Variants in NPTN observed in about 807,000 individuals in gnomAD.
NPTN encodes SDR-1.
Under a neutral mutation model 42.7 loss-of-function variants are expected in NPTN, and 5 were observed. The observed-to-expected ratio is 0.12, with a 90% CI of 0.06 to 0.25. The LOEUF is 0.25. Ranked by LOEUF, NPTN falls within the 10% of genes least tolerant of loss-of-function variation. The pLI is 1.00. For synonymous variants in NPTN, 180 were observed against 201.9 expected (o/e 0.89, Z 0.92); for missense variants, 307 against 525.4 (o/e 0.58, Z 4.06).
At chr15:73,593,197 A>G (rs1261347827) in intron 2 of NPTN, among the ~76,000 whole-genome samples, 1 of 152,240 alleles carries the variant, frequency 6.6e-6, no homozygotes, top group African/African-American at 2.4e-5. Context: ...AAATCACTCT[A>G]TATTATTCCT....
chr15:73,592,929 G>A (rs1896662907), intron 2 of NPTN, among the ~76,000 whole-genome samples: 1 of 152,078 alleles, frequency 6.6e-6, no homozygotes, highest in Non-Finnish European at 1.5e-5. Flanking sequence ...TTTTTTAAGA[G>A]CTGGAAAAGT....
chr15:73,616,901 A>C (rs1246223620), intron 1 of NPTN, among the ~76,000 whole-genome samples: 1 of 152,240 alleles, frequency 6.6e-6, no homozygotes, highest in African/African-American at 2.4e-5. Context: ...GACTTCAGCC[A>C]AAAACTGGAT....
intron 6 of NPTN, chr15:73,568,483 A>C: frequency 1.0e-6 from 1 of 985,450 alleles, no homozygotes. Context: ...CCACAGAGCC[A>C]AAGCTGAAAA....
intron 1 of NPTN, among the ~76,000 whole-genome samples, chr15:73,629,215 T>C (rs1898597122): frequency 1.3e-5 from 2 of 152,210 alleles, no homozygotes; most frequent in Non-Finnish European, 1.5e-5. Flanking sequence ...TTTTAGCCAG[T>C]AGCCTGAGAG....
chr15:73,615,101 G>A (rs947826200), intron 1 of NPTN, among the ~76,000 whole-genome samples: 1 of 151,318 alleles, frequency 6.6e-6, no homozygotes, highest in African/African-American at 2.4e-5. Context: ...TAAAAGAGAT[G>A]GATGTTCACA....
At chr15:73,567,981 A>C in intron 6 of NPTN, 1 of 985,444 alleles carries the variant, frequency 1.0e-6, no homozygotes, top group Non-Finnish European at 1.2e-6. Context: ...GGATTCATTC[A>C]CTGTCTATAA....
At chr15:73,595,891 A>G (rs910148725) in intron 2 of NPTN, among the ~76,000 whole-genome samples, 3 of 121,998 alleles carry the variant, frequency 2.5e-5, no homozygotes, top group East Asian at 2.4e-4. Context: ...TCCCGGTGTC[A>G]TATGTCTCAC....
At chr15:73,625,299 A>T (rs1479262534) in intron 1 of NPTN, among the ~76,000 whole-genome samples, 3 of 152,226 alleles carry the variant, frequency 2.0e-5, no homozygotes, top group African/African-American at 7.2e-5. Flanking sequence ...TATTAGTCAA[A>T]AACTACTTCT....
Position 73,602,987 on chromosome 15 carries a change from T to C in NPTN, c.92-5618A>G, listed in dbSNP as rs576403645. On this transcript the variant is annotated intron_variant, in intron 1 of 8. Transcript: ENST00000345330. ...CAGCCAGCCTTCTGCTTTGGAAAAA[T>C]AGGGGAATCTAGTTCATGCCAAGAG... Among the ~76,000 whole-genome samples, 10 of 152,238 alleles carry C rather than the reference T, an allele frequency of 6.6e-5. No homozygotes were observed. In the East Asian group the frequency reaches 1.9e-3, roughly 29 times the overall value.
At chr15:73,589,378 C>T (rs540855808) in intron 3 of NPTN, among the ~76,000 whole-genome samples, 9 of 152,078 alleles carry the variant, frequency 5.9e-5, no homozygotes, top group African/African-American at 2.2e-4. Context: ...GCCAGAACAG[C>T]ACTTCATTTC....
At chr15:73,615,574 C>T (rs1390217294) in intron 1 of NPTN, among the ~76,000 whole-genome samples, 1 of 152,160 alleles carries the variant, frequency 6.6e-6, no homozygotes, top group African/African-American at 2.4e-5. Flanking sequence ...TTAATCCAAA[C>T]ACATTTTATC....
chr15:73,602,930 A>T (rs1386852636), intron 1 of NPTN, among the ~76,000 whole-genome samples: 2 of 152,256 alleles, frequency 1.3e-5, no homozygotes, highest in Non-Finnish European at 2.9e-5. Context: ...TTCTGAAATT[A>T]TACCATTCAA....
At chr15:73,564,986 A>C (rs1456420969) in intron 6 of NPTN, among the ~76,000 whole-genome samples, 5 of 152,204 alleles carry the variant, frequency 3.3e-5, no homozygotes, top group Non-Finnish European at 7.3e-5. Flanking sequence ...GCACCAACCC[A>C]AGCACCTCAC....
chr15:73,607,389 T>A (rs951887767), intron 1 of NPTN, among the ~76,000 whole-genome samples: 1 of 152,200 alleles, frequency 6.6e-6, no homozygotes, highest in Non-Finnish European at 1.5e-5. Context: ...ACAGTAACAA[T>A]CAGGACTTAA....
chr15:73,592,190 C>T, intron 2 of NPTN, 53 bp from the exon 3 acceptor site: 1 of 1,522,600 alleles, frequency 6.6e-7, no homozygotes, highest in Non-Finnish European at 8.9e-7. Context: ...TCCTCTGTAG[C>T]CCTGGCCTGA....
Position 73,587,188 on chromosome 15 carries a change from G to T in NPTN, c.706+336C>A, listed in dbSNP as rs2141390136. 2.6e-5 allele frequency among the ~76,000 whole-genome samples: 4 copies of T among 152,152 alleles called. 1 individual carries two copies. In the Middle Eastern group the frequency reaches 0.014, roughly 518 times the overall value. On this transcript the variant is annotated intron_variant, in intron 4 of 8. Transcript: ENST00000345330. ...GAGCTGCCAGCATTCAAACATTTTT[G>T]ACATATAAAAACAGCAATTTTATGC...
rs1249993109 is a variant in NPTN at position 73,560,022 on chromosome 15, A to C, written c.*1041T>G. Reference sequence around the variant, plus strand: ...AAAGAGTATTATCCAAACACCTTTTATCAATGTTTTATTTTTAAAAACAGG... The same window carrying C: ...AAAGAGTATTATCCAAACACCTTTTCTCAATGTTTTATTTTTAAAAACAGG... On this transcript the variant is annotated 3_prime_UTR_variant, in exon 9 of 9. Coordinates refer to ENST00000345330, the MANE Select transcript of NPTN (RefSeq NM_012428.4). 9.2e-7 allele frequency: 1 copy of C among 1,082,170 alleles called. No homozygotes were observed. Among genetic ancestry groups the C allele is most frequent in the Non-Finnish European group, 1.3e-6 (1 of 776,592 alleles). 67.0% of individuals were successfully genotyped at this position (1,082,170 alleles called of 1,614,324 possible). A position where few individuals can be genotyped will look rare whatever the true frequency, so the allele number is the denominator to read the frequency against.
In NPTN at chr15:73,597,348, A is replaced by G; in HGVS notation, c.113T>C (p.Met38Thr). The G allele has an allele frequency of 6.2e-7, 1 of 1,612,898 alleles. No individual in the cohort carries two copies. Among genetic ancestry groups the G allele is most frequent in the Non-Finnish European group, 8.5e-7 (1 of 1,179,126 alleles). Residue 38 changes from methionine to threonine, a missense_variant, in exon 2 of 9, where the codon ATG (methionine) becomes ACG (threonine). By Grantham distance (81) the Met-to-Thr change is moderately conservative. Around this residue, in one of 2 missense-constraint regions of NPTN, gnomAD observed 264 missense variants for 491.1 expected, o/e 0.54. Coordinates refer to ENST00000345330, the MANE Select transcript of NPTN (RefSeq NM_012428.4). This position sits in a 1 kb window ranked among gnomAD's most constrained non-coding sequence, Gnocchi z 6.3. Reference sequence around the variant, plus strand: ...GTCCCCCGTGAGCTTAGTTTCTGACATGGGCGACTTGACAAACCCAGCTAG... The same window carrying G: ...GTCCCCCGTGAGCTTAGTTTCTGACGTGGGCGACTTGACAAACCCAGCTAG... Reference protein sequence around the residue: ...AQNAGFVKSPMSETKLTGDAF... With the variant: ...AQNAGFVKSPTSETKLTGDAF...
intron 1 of NPTN, among the ~76,000 whole-genome samples, chr15:73,605,099 A>AGGTG (rs1402136743): frequency 3.3e-5 from 4 of 121,646 alleles, no homozygotes; most frequent in African/African-American, 1.5e-4. Flanking sequence ...CCCTGTCTCA[A>AGGTG]GGGGGGGGGG....
Sources: gnomAD v4.1 joint callset for allele counts (sites outside exome capture counted in the v4.1 genomes callset) on GRCh38, gnomAD v4.1.1 for gene constraint, gnomAD v4.1.1 regional missense constraint, Gnocchi (gnomAD v3.1) non-coding constraint, MANE v1.5 for transcripts, NCBI Gene and HGNC (gene_info 2026-07-23, HGNC 2026-07-21) for gene names.